Variants in CSMD1 observed in about 807,000 individuals in gnomAD.
CSMD1 encodes CUB and Sushi multiple domains 1, also known as CUB and sushi domain-containing protein 1.
Under a neutral mutation model 417.5 loss-of-function variants are expected in CSMD1, and 213 were observed. The observed-to-expected ratio is 0.51, with a 90% CI of 0.46 to 0.57. The LOEUF (loss-of-function observed/expected upper bound fraction) is 0.57. Ranked by LOEUF, CSMD1 falls within the 20% of genes least tolerant of loss-of-function variation. CSMD1 has a pLI of 0.00. For missense variants in CSMD1, 6,923 were observed against 4,529.7 expected, an observed-to-expected ratio of 1.53 and a Z score of -15.17; for synonymous variants, 2,862 against 1,736.8, an observed-to-expected ratio of 1.65 and a Z score of -16.11.
intron 5 of CSMD1, among the ~76,000 whole-genome samples, chr8:3,849,284 G>A (rs558880364): frequency 6.6e-6 from 1 of 152,250 alleles, no homozygotes; most frequent in African/African-American, 2.4e-5. Context: ...AATGTGCACA[G>A]ACAAAGATAC....
chr8:4,238,438 G>C lies in CSMD1; in HGVS notation c.415+181515C>G, dbSNP rs920954201. On this transcript the variant is annotated intron_variant, in intron 3 of 69. Coordinates refer to ENST00000635120, the MANE Select transcript of CSMD1 (RefSeq NM_033225.6). ...CCCTAGAGTCACAAATCAATACTGT[G>C]ATTCCCTCATGGACAAAGATGGGAG... 3.9e-5 allele frequency among the ~76,000 whole-genome samples: 6 copies of C among 152,164 alleles called. No homozygotes were observed. In the South Asian group the frequency reaches 1.0e-3, roughly 26 times the overall value.
At chr8:3,364,788 C>G (rs78975067) in intron 20 of CSMD1, among the ~76,000 whole-genome samples, 11,721 of 152,236 alleles carry the variant, frequency 0.077, 428 homozygotes, top group East Asian at 0.11. Flanking sequence ...TTCCCAGGGT[C>G]CAGAATTGAG....
At chr8:3,353,984 G>T (rs1161801993) in intron 21 of CSMD1, among the ~76,000 whole-genome samples, 1 of 152,204 alleles carries the variant, frequency 6.6e-6, no homozygotes, top group African/African-American at 2.4e-5. Context: ...CTGTAACAAA[G>T]TACCACAGAC....
intron 3 of CSMD1, among the ~76,000 whole-genome samples, chr8:4,092,413 G>C (rs189873496): frequency 3.7e-4 from 57 of 152,166 alleles, no homozygotes; most frequent in African/African-American, 1.3e-3. Context: ...CTTCATATTG[G>C]CTTCAGCATA....
chr8:3,307,949 C>CTCTCAGAATCACCATCATCTA (rs1805012564), intron 24 of CSMD1, 128 bp from the exon 25 acceptor site: 1 of 1,016,134 alleles, frequency 9.8e-7, no homozygotes, highest in Non-Finnish European at 1.4e-6. Context: ...ACCATCATCT[C>CTCTCAGAATCACCATCATCTA]TCTCTCCTGA....
intron 5 of CSMD1, among the ~76,000 whole-genome samples, chr8:3,891,462 C>G (rs964580205): frequency 2.6e-4 from 40 of 152,214 alleles, no homozygotes; most frequent in Non-Finnish European, 5.3e-4. Context: ...GCAGAATTTC[C>G]TGTATACAGG....
intron 5 of CSMD1, among the ~76,000 whole-genome samples, chr8:3,761,058 C>G (rs1412975716): frequency 1.3e-5 from 2 of 151,692 alleles, no homozygotes; most frequent in Middle Eastern, 6.8e-3. Context: ...ACAACCTGAT[C>G]AAACAGAGAG....
rs1797358572 is a variant in CSMD1 at position 4,031,755 on chromosome 8, A to G, written c.610+150T>C. ...TATTTCTTACATAGTAATAACATGT[A>G]ATATTGCTTTCAGGAGCAGAATGAG... On this transcript the variant is annotated intron_variant, in intron 4 of 69. Coordinates refer to ENST00000635120, the MANE Select transcript of CSMD1 (RefSeq NM_033225.6). 6 of 539,736 alleles carry G rather than the reference A, an allele frequency of 1.1e-5. No homozygotes were observed. The South Asian group carries it at 2.2e-4, about 20-fold the overall frequency. The allele number at this position is 539,736 out of a possible 1,614,324, so 33.4% of individuals were successfully genotyped here. A position where few individuals can be genotyped will look rare whatever the true frequency, so the allele number is the denominator to read the frequency against.
intron 2 of CSMD1, among the ~76,000 whole-genome samples, chr8:4,540,979 G>A (rs1035437049): frequency 6.6e-6 from 1 of 152,034 alleles, no homozygotes. Context: ...ACAGGTAAAG[G>A]GTCTGAAACA....
At chr8:3,900,837 T>A (rs777584475) in intron 5 of CSMD1, among the ~76,000 whole-genome samples, 4 of 152,214 alleles carry the variant, frequency 2.6e-5, no homozygotes, top group Non-Finnish European at 4.4e-5. Context: ...AGCTTGCTCT[T>A]CTCATTTCCG....
chr8:4,264,292 AC>A (rs764606234), intron 3 of CSMD1, among the ~76,000 whole-genome samples: 3 of 152,218 alleles, frequency 2.0e-5, no homozygotes, highest in Non-Finnish European at 4.4e-5. Flanking sequence ...ACATTATTGT[AC>A]GTAGAATTTC....
At chr8:3,447,879 C>T (rs553550949) in intron 12 of CSMD1, among the ~76,000 whole-genome samples, 1 of 152,138 alleles carries the variant, frequency 6.6e-6, no homozygotes, top group East Asian at 2.0e-4. Flanking sequence ...TCCTCAAGGC[C>T]ATGAACTGTA....
At chr8:4,064,285 A>G (rs192993942) in intron 3 of CSMD1, among the ~76,000 whole-genome samples, 88 of 152,216 alleles carry the variant, frequency 5.8e-4, no homozygotes, top group Admixed American at 1.9e-3. Context: ...ATCGTACCAT[A>G]TTTTATATCC....
intron 27 of CSMD1, among the ~76,000 whole-genome samples, chr8:3,224,896 A>G (rs117615514): frequency 0.013 from 1,982 of 152,324 alleles, 23 homozygotes; most frequent in Non-Finnish European, 0.017. Flanking sequence ...GATACATACA[A>G]GACTATGCTG....
At position 4,084,029 on chromosome 8, in the gene CSMD1, C is replaced by CA. The variant is rs532672043; in HGVS notation, c.416-51931dup. Among the ~76,000 whole-genome samples, 822 of 151,936 alleles carry CA rather than the reference C, an allele frequency of 5.4e-3. 6 individuals carry two copies. Among genetic ancestry groups the CA allele is most frequent in the African/African-American group, 0.019 (782 of 41,442 alleles). ...ACAAACAACCCCATCAAGAAGTGGG[C>CA]AAAAAAACCCTTTTAAAATTAGTAG... On this transcript the variant is annotated intron_variant, in intron 3 of 69. Coordinates refer to ENST00000635120, the MANE Select transcript of CSMD1 (RefSeq NM_033225.6).
At chr8:4,446,549 CTTTGT>C (rs145364632) in intron 2 of CSMD1, among the ~76,000 whole-genome samples, 321 of 152,128 alleles carry the variant, frequency 2.1e-3, no homozygotes, top group African/African-American at 7.3e-3. Context: ...CCCGGTTCTG[CTTTGT>C]TTTGTTTTGT....
intron 25 of CSMD1, among the ~76,000 whole-genome samples, chr8:3,291,638 T>A (rs1393039379): frequency 1.3e-5 from 2 of 152,216 alleles, no homozygotes; most frequent in Admixed American, 1.3e-4. Context: ...TATTCTCTGA[T>A]GGTAGTTTGT....
intron 12 of CSMD1, among the ~76,000 whole-genome samples, chr8:3,433,601 T>C (rs1458393648): frequency 6.6e-6 from 1 of 152,130 alleles, no homozygotes; most frequent in Non-Finnish European, 1.5e-5. Flanking sequence ...ACTCTAGTGC[T>C]GACGAGGGCA....
chr8:4,424,478 C>A (rs1008435508), intron 2 of CSMD1, among the ~76,000 whole-genome samples: 1 of 151,998 alleles, frequency 6.6e-6, no homozygotes. Context: ...CAAATTAAAA[C>A]CACAGAGAAA....
Sources: gnomAD v4.1 joint callset for allele counts (sites outside exome capture counted in the v4.1 genomes callset) on GRCh38, gnomAD v4.1.1 for gene constraint, MANE v1.5 for transcripts, NCBI Gene and HGNC (gene_info 2026-07-23, HGNC 2026-07-21) for gene names.